The following SV2C variants were observed in gnomAD, a reference collection of about 807,000 sequenced individuals.
SV2C encodes the protein synaptic vesicle glycoprotein 2C, also known as solute carrier family 22 member B3.
Under a neutral mutation model 79.7 loss-of-function variants are expected in SV2C, and 49 were observed. That is an observed-to-expected ratio of 0.61 (90% CI 0.49 to 0.78). SV2C has a LOEUF of 0.78. Ranked by LOEUF, SV2C falls within the 30% of genes least tolerant of loss-of-function variation. SV2C has a pLI of 0.00. For missense variants in SV2C, 833 were observed against 912.9 expected, an observed-to-expected ratio of 0.91 and a Z score of 1.13; for synonymous variants, 334 against 333.2, an observed-to-expected ratio of 1.00 and a Z score of -0.03.
At chr5:75,851,622 C>A in the SV2C span, among the ~76,000 whole-genome samples, 1 of 151,818 alleles carries the variant, frequency 6.6e-6, no homozygotes. Context: ...GCTGTGGCAA[C>A]TTCTGGGTGG....
At chr5:76,291,978 T>G (rs1747582402) in intron 8 of SV2C, 122 bp downstream of exon 8, 2 of 683,286 alleles carry the variant, frequency 2.9e-6, no homozygotes, top group East Asian at 5.8e-5. Context: ...AAGAAATTTT[T>G]TTCAGCTTAG....
intron 12 of SV2C, among the ~76,000 whole-genome samples, chr5:76,306,786 G>A (rs1032424184): frequency 6.6e-6 from 1 of 152,124 alleles, no homozygotes; most frequent in Admixed American, 6.5e-5. Context: ...CAAACACTTA[G>A]CATATAAAAA....
At chr5:76,180,431 A>T (rs1383677626) in intron 2 of SV2C, among the ~76,000 whole-genome samples, 1 of 152,224 alleles carries the variant, frequency 6.6e-6, no homozygotes. Flanking sequence ...CAATAGCATA[A>T]GCCCTTTGCT....
intron 4 of SV2C, among the ~76,000 whole-genome samples, chr5:76,232,106 C>G (rs1745440077): frequency 6.7e-6 from 1 of 149,934 alleles, no homozygotes; most frequent in South Asian, 2.1e-4. Flanking sequence ...CCTGTTGTTT[C>G]CTCACTTTTT....
chr5:76,098,634 G>A (rs149437615), intron 1 of SV2C, among the ~76,000 whole-genome samples: 107 of 152,326 alleles, frequency 7.0e-4, no homozygotes, highest in African/African-American at 2.4e-3. Context: ...GCATACAGAT[G>A]TGTGTGCACA....
At chr5:76,204,771 G>T (rs1744559854) in intron 3 of SV2C, among the ~76,000 whole-genome samples, 1 of 151,982 alleles carries the variant, frequency 6.6e-6, no homozygotes, top group African/African-American at 2.4e-5. Context: ...CCCCACCTTT[G>T]CCTGAAACAG....
intron 2 of SV2C, among the ~76,000 whole-genome samples, chr5:76,161,488 T>A (rs538973313): frequency 6.6e-6 from 1 of 152,222 alleles, no homozygotes; most frequent in South Asian, 2.1e-4. Context: ...CATGACACCA[T>A]GTCCGGCTAA....
chr5:76,305,853 A>G (rs1002396999), intron 12 of SV2C, among the ~76,000 whole-genome samples: 1 of 152,236 alleles, frequency 6.6e-6, no homozygotes, highest in African/African-American at 2.4e-5. Context: ...ATTAGAGAGC[A>G]CTTACACACT....
At chr5:76,240,707 CT>C (rs538019063) in intron 4 of SV2C, among the ~76,000 whole-genome samples, 3 of 152,268 alleles carry the variant, frequency 2.0e-5, no homozygotes, top group Non-Finnish European at 4.4e-5. Flanking sequence ...CTGGGTTCAC[CT>C]CTCAAGTAAA....
At chr5:75,926,483 C>A in the SV2C span, among the ~76,000 whole-genome samples, 1 of 152,112 alleles carries the variant, frequency 6.6e-6, no homozygotes, top group Non-Finnish European at 1.5e-5. Context: ...GCACATAAAT[C>A]TTTTCCATTT....
intron 12 of SV2C, among the ~76,000 whole-genome samples, chr5:76,344,823 A>C (rs1465854378): frequency 3.3e-5 from 5 of 152,246 alleles, no homozygotes; most frequent in Non-Finnish European, 7.3e-5. Flanking sequence ...ATTTAGAATG[A>C]ACTATTTTGT....
chr5:75,912,425 C>T, the SV2C span, among the ~76,000 whole-genome samples: 1 of 152,048 alleles, frequency 6.6e-6, no homozygotes, highest in Non-Finnish European at 1.5e-5. Context: ...CCTGGGAGGT[C>T]AAGGCTGCAG....
chr5:76,267,357 G>T (rs780387588), intron 4 of SV2C, among the ~76,000 whole-genome samples: 4 of 152,084 alleles, frequency 2.6e-5, no homozygotes, highest in Non-Finnish European at 5.9e-5. Context: ...GGTTCAGGAG[G>T]CTGCCTGAAA....
the SV2C span, among the ~76,000 whole-genome samples, chr5:76,041,713 C>T: frequency 1.3e-5 from 2 of 152,142 alleles, no homozygotes; most frequent in African/African-American, 2.4e-5. Context: ...GAACTAAATA[C>T]TGGTTGTAAG....
the SV2C span, among the ~76,000 whole-genome samples, chr5:75,860,726 T>C: frequency 1.3e-5 from 2 of 152,190 alleles, no homozygotes; most frequent in African/African-American, 4.8e-5. Flanking sequence ...AATGTGGTAC[T>C]AGTACAAAAA....
At chr5:76,092,785 A>G (rs928922939) in intron 1 of SV2C, among the ~76,000 whole-genome samples, 1 of 152,050 alleles carries the variant, frequency 6.6e-6, no homozygotes, top group South Asian at 2.1e-4. Flanking sequence ...CCCGCCATAC[A>G]CATATTTATC....
intron 4 of SV2C, among the ~76,000 whole-genome samples, chr5:76,248,918 C>A (rs1233047793): frequency 6.6e-6 from 1 of 152,186 alleles, no homozygotes; most frequent in Admixed American, 6.5e-5. Flanking sequence ...CACGCCTGGC[C>A]TCAGTGAACA....
At chr5:76,011,084 G>C in the SV2C span, among the ~76,000 whole-genome samples, 1 of 152,166 alleles carries the variant, frequency 6.6e-6, no homozygotes, top group African/African-American at 2.4e-5. Context: ...CGCATTGTTA[G>C]TTGATAAAGT....
At chr5:76,000,615 C>T in the SV2C span, among the ~76,000 whole-genome samples, 2 of 152,198 alleles carry the variant, frequency 1.3e-5, no homozygotes, top group Non-Finnish European at 2.9e-5. Flanking sequence ...GCAGCATTTA[C>T]TATGAACACC....
Sources: allele counts gnomAD v4.1 joint callset (sites outside exome capture counted in the v4.1 genomes callset), GRCh38; gene constraint gnomAD v4.1.1; transcripts MANE v1.5; gene names NCBI Gene and HGNC (gene_info 2026-07-23, HGNC 2026-07-21).